FKBP15: variants seen among roughly 807,000 people sequenced by gnomAD.
FKBP15 encodes FK506-binding protein 15.
Under a neutral mutation model 158.1 loss-of-function variants are expected in FKBP15, and 106 were observed. The ratio of observed to expected loss-of-function variants is 0.67; its 90% CI spans 0.57 to 0.79. The LOEUF (loss-of-function observed/expected upper bound fraction) is 0.79, where lower values mean the gene tolerates loss of function less well. Ranked by LOEUF, FKBP15 falls within the 30% of genes least tolerant of loss-of-function variation. The probability of loss-of-function intolerance (pLI) is 0.00; values close to 1 mark genes in which losing one functional copy is unlikely to be tolerated. For synonymous variants in FKBP15, 547 were observed against 548.6 expected (o/e 1.00, Z 0.04); for missense variants, 1,287 against 1,479.1 (o/e 0.87, Z 2.13).
chr9:113,170,982 C>A (rs1183438445), intron 24 of FKBP15, among the ~76,000 whole-genome samples: 1 of 152,228 alleles, frequency 6.6e-6, no homozygotes, highest in Non-Finnish European at 1.5e-5. Flanking sequence ...ATGCTGGGCA[C>A]ACTCCCCAAG....
intron 19 of FKBP15, among the ~76,000 whole-genome samples, chr9:113,179,677 A>C (rs530304811): frequency 2.6e-5 from 4 of 152,012 alleles, no homozygotes; most frequent in African/African-American, 7.2e-5. Flanking sequence ...AAAAAAAAAA[A>C]AACAAGAAAA....
intron 4 of FKBP15, among the ~76,000 whole-genome samples, chr9:113,204,547 G>C (rs531205572): frequency 3.3e-5 from 5 of 152,272 alleles, no homozygotes; most frequent in Admixed American, 6.5e-5. Context: ...TAATAGGCAG[G>C]GTTTTGTTTT....
Position 113,218,921 on chromosome 9 carries a change from G to A in FKBP15, c.53+2270C>T, listed in dbSNP as rs1057215028. 3.3e-5 allele frequency among the ~76,000 whole-genome samples: 5 copies of A among 152,116 alleles called. No individual in the cohort carries two copies. In the South Asian group the frequency reaches 6.2e-4, roughly 19 times the overall value. ...GTGATTTATCATTACTATGCTAATC[G>A]GATCTGCCTACACATACCTTTATAA... On this transcript the variant is annotated intron_variant, in intron 1 of 27. Coordinates refer to ENST00000238256, the MANE Select transcript of FKBP15 (RefSeq NM_015258.2).
At position 113,174,474 on chromosome 9, in the gene FKBP15, A is replaced by G; in HGVS notation, c.2333T>C (p.Leu778Pro). 1.2e-6 allele frequency: 2 copies of G among 1,613,950 alleles called. No individual in the cohort carries two copies. The highest frequency in any genetic ancestry group is 1.7e-6 in the Non-Finnish European group (2 of 1,179,884). Residue 778 changes from leucine to proline, a missense_variant, in exon 22 of 28, where the codon CTC becomes CCC. Physicochemically the swap from Leu to Pro is moderately conservative, Grantham distance 98. Transcript: ENST00000238256. ...YQEELDKLRQLLKKTRVSTDQ... is the reference protein window; with the variant it reads ...YQEELDKLRQPLKKTRVSTDQ... The stretch of plus-strand genomic sequence containing the variant: ...TGTGGACACTCGAGTCTTTTTCAAG[A>G]GCTGTCGAAGTTTGTCCAATTCCTC...
chr9:113,215,667 T>TTG (rs1831114420), intron 1 of FKBP15, among the ~76,000 whole-genome samples: 1 of 106,784 alleles, frequency 9.4e-6, no homozygotes, highest in Non-Finnish European at 1.9e-5. Flanking sequence ...TTTTTTTTTT[T>TTG]GAGATGCAGT....
rs538934737 is a variant in FKBP15, at chr9:113,171,358, G to A, written c.2658+223C>T. Among the ~76,000 whole-genome samples the A allele has an allele frequency of 3.3e-5, 5 of 152,306 alleles. No individual in the cohort carries two copies. In the South Asian group the frequency reaches 6.2e-4, roughly 19 times the overall value. ...GGAGAATCGCTTGAACCTGGGAGGC[G>A]GAGGTTGCAGTGAGCCAAGATCACA... On this transcript the variant is annotated intron_variant, in intron 24 of 27. Coordinates refer to ENST00000238256, the MANE Select transcript of FKBP15 (RefSeq NM_015258.2).
intron 27 of FKBP15, among the ~76,000 whole-genome samples, 159 bp downstream of exon 27, chr9:113,168,301 G>T (rs1830130066): frequency 6.6e-6 from 1 of 152,112 alleles, no homozygotes; most frequent in Non-Finnish European, 1.5e-5. Flanking sequence ...TTACAGAGCT[G>T]CGCCCTCCCA....
chr9:113,181,430 T>C (rs1830393637), intron 19 of FKBP15, among the ~76,000 whole-genome samples: 1 of 152,164 alleles, frequency 6.6e-6, no homozygotes, highest in African/African-American at 2.4e-5. Flanking sequence ...CTGAACTTCT[T>C]AAAAATGTTG....
chr9:113,206,465 A>T (rs1830888917), intron 4 of FKBP15, 44 bp downstream of exon 4: 7 of 1,511,758 alleles, frequency 4.6e-6, no homozygotes, highest in Non-Finnish European at 6.4e-6. Flanking sequence ...CATTGGTATT[A>T]TTTGGGACAT....
intron 1 of FKBP15, among the ~76,000 whole-genome samples, chr9:113,217,534 G>A (rs1831164374): frequency 6.6e-6 from 1 of 152,058 alleles, no homozygotes; most frequent in African/African-American, 2.4e-5. Flanking sequence ...TATCTTTAAT[G>A]GACTCTGCAT....
intron 1 of FKBP15, among the ~76,000 whole-genome samples, chr9:113,214,600 T>C (rs1831080623): frequency 6.6e-6 from 1 of 152,216 alleles, no homozygotes. Context: ...CCTAGGATTT[T>C]TGGAATGGTA....
At chr9:113,189,558 C>A (rs1029264845) in intron 12 of FKBP15, among the ~76,000 whole-genome samples, 1 of 151,846 alleles carries the variant, frequency 6.6e-6, no homozygotes, top group African/African-American at 2.4e-5. Flanking sequence ...AAAAAATAAT[C>A]CTATAACAAT....
intron 23 of FKBP15, among the ~76,000 whole-genome samples, chr9:113,173,125 A>G (rs762398360): frequency 1.3e-5 from 2 of 152,152 alleles, no homozygotes; most frequent in Non-Finnish European, 2.9e-5. Flanking sequence ...TGTGAGATAC[A>G]TGAGGGAAGG....
rs1403406907 is a variant in FKBP15 at position 113,164,011 on chromosome 9, T to TA, written c.*2066dup. 2 of 152,536 alleles carry TA rather than the reference T, an allele frequency of 1.3e-5. No individual in the cohort carries two copies. Among genetic ancestry groups the TA allele is most frequent in the African/African-American group, 4.8e-5 (2 of 41,408 alleles). The allele number at this position is 152,536 out of a possible 1,614,324, so 9.4% of individuals were successfully genotyped here. The stretch of plus-strand genomic sequence containing the variant: ...TGGATAGTTGAACCTCTTCACTTTA[T>TA]AAAAAAGGAAAGAGAGAAAATCACT... On this transcript the variant is annotated 3_prime_UTR_variant, in exon 28 of 28. Coordinates refer to ENST00000238256, the MANE Select transcript of FKBP15 (RefSeq NM_015258.2).
intron 1 of FKBP15, among the ~76,000 whole-genome samples, chr9:113,216,705 G>A (rs78291508): frequency 2.9e-4 from 44 of 152,286 alleles, no homozygotes; most frequent in African/African-American, 1.0e-3. Flanking sequence ...AGAAATGAAT[G>A]TCCTTGTTAG....
At chr9:113,218,193 T>A (rs1831179098) in intron 1 of FKBP15, among the ~76,000 whole-genome samples, 2 of 151,852 alleles carry the variant, frequency 1.3e-5, no homozygotes, top group Admixed American at 1.3e-4. Context: ...ACATCAAACA[T>A]CCATTTCAAT....
In FKBP15 at chr9:113,174,708, T is replaced by C. The variant is rs368061962; in HGVS notation, c.2224-125A>G. 13 of 1,007,032 alleles carry C rather than the reference T, an allele frequency of 1.3e-5. No homozygotes were observed. In the African/African-American group the frequency reaches 2.0e-4, roughly 15 times the overall value. 62.4% of individuals were successfully genotyped at this position (1,007,032 alleles called of 1,614,324 possible). On this transcript the variant is annotated intron_variant, in intron 21 of 27. Transcript: ENST00000238256. The stretch of plus-strand genomic sequence containing the variant: ...ATTTCTGAAAACTCCATTTTTTAGT[T>C]GAATTTTCCCCTAAATATTTAACAT...
At chr9:113,170,433 G>T in intron 25 of FKBP15, 89 bp downstream of exon 25, 2 of 991,048 alleles carry the variant, frequency 2.0e-6, no homozygotes, top group South Asian at 2.8e-5. Context: ...TGCCAGCTTT[G>T]AACAATTTTT....
At position 113,171,697 on chromosome 9, in the gene FKBP15, G is replaced by T; in HGVS notation, c.2542C>A (p.Leu848Ile). The T allele has an allele frequency of 6.3e-7, 1 of 1,592,170 alleles. No individual in the cohort carries two copies. The highest frequency in any genetic ancestry group is 8.6e-7 in the Non-Finnish European group (1 of 1,169,472). The part of the protein sequence containing the change: ...LVQLQEKCLA[L>I]QAQITALTKQ... ...GTGAGAGCTGTGATTTGGGCCTGGA[G>T]GGCTAAACACTGCAAAACAAACAGA... Residue 848 changes from leucine to isoleucine, a missense_variant, in exon 24 of 28, where the codon CTC becomes ATC. Leu to Ile is a conservative substitution (Grantham distance 5, BLOSUM62 2). Coordinates refer to ENST00000238256, the MANE Select transcript of FKBP15 (RefSeq NM_015258.2).
Sources: allele counts gnomAD v4.1 joint callset (sites outside exome capture counted in the v4.1 genomes callset), GRCh38; gene constraint gnomAD v4.1.1; transcripts MANE v1.5; gene names NCBI Gene and HGNC (gene_info 2026-07-23, HGNC 2026-07-21).